Variants in CEP170 observed in about 807,000 individuals in gnomAD.
CEP170 encodes centrosomal protein 170, also known as centrosomal protein of 170 kDa.
Under a neutral mutation model 151.9 loss-of-function variants are expected in CEP170, and 21 were observed. The observed-to-expected ratio is 0.14, with a 90% CI of 0.10 to 0.20. The LOEUF is 0.20. Among genes scored for constraint, CEP170 ranks in the 10% least tolerant of loss-of-function variants. The pLI is 1.00. For missense variants in CEP170, 964 were observed against 1,892.9 expected (o/e 0.51, Z 9.11); for synonymous variants, 356 against 648.8 (o/e 0.55, Z 6.86).
intron 1 of CEP170, among the ~76,000 whole-genome samples, chr1:243,252,615 A>G (rs2066044807): frequency 6.6e-6 from 1 of 152,138 alleles, no homozygotes; most frequent in Non-Finnish European, 1.5e-5. Flanking sequence ...TTTACAGTAT[A>G]AATTTCACTA....
intron 7 of CEP170, 148 bp from the exon 8 acceptor site, chr1:243,191,642 A>G (rs1286832496): frequency 3.2e-6 from 2 of 618,354 alleles, no homozygotes; most frequent in Non-Finnish European, 5.6e-6. Context: ...ATCACAGAAC[A>G]AATGTCACAG....
chr1:243,139,263 G>A (rs1233295132), intron 16 of CEP170, among the ~76,000 whole-genome samples: 5 of 152,014 alleles, frequency 3.3e-5, no homozygotes, highest in South Asian at 2.1e-4. Context: ...CACCACGCCC[G>A]GCTAATTTTC....
intron 10 of CEP170, among the ~76,000 whole-genome samples, chr1:243,177,229 G>A (rs771067446): frequency 6.6e-6 from 1 of 152,084 alleles, no homozygotes; most frequent in Non-Finnish European, 1.5e-5. Flanking sequence ...AGCGCCGTGG[G>A]GTAAGATGTA....
intron 10 of CEP170, among the ~76,000 whole-genome samples, chr1:243,180,525 T>G (rs1237768772): frequency 1.3e-5 from 2 of 152,232 alleles, no homozygotes; most frequent in Non-Finnish European, 2.9e-5. Context: ...CAAAGTCTTC[T>G]CCTATTGTCC....
At chr1:243,249,059 T>C (rs1223955147) in intron 1 of CEP170, among the ~76,000 whole-genome samples, 2 of 152,126 alleles carry the variant, frequency 1.3e-5, no homozygotes, top group Admixed American at 6.6e-5. Flanking sequence ...AGGTGTAGCA[T>C]AGTGGATAAA....
chr1:243,134,296 A>G (rs1015937942), intron 17 of CEP170, among the ~76,000 whole-genome samples: 19 of 152,166 alleles, frequency 1.2e-4, no homozygotes, highest in African/African-American at 4.6e-4. Flanking sequence ...TGTACCTAAT[A>G]CTTATTTGTT....
At chr1:243,182,754 T>G (rs2059705750) in intron 10 of CEP170, among the ~76,000 whole-genome samples, 1 of 152,160 alleles carries the variant, frequency 6.6e-6, no homozygotes. Flanking sequence ...CTAGCATGCC[T>G]GTTATGGGAT....
intron 4 of CEP170, among the ~76,000 whole-genome samples, chr1:243,211,005 C>T (rs1389488827): frequency 1.3e-5 from 2 of 151,280 alleles, no homozygotes; most frequent in Non-Finnish European, 2.9e-5. Context: ...TGAGACTATG[C>T]TTTTTCTGCT....
At chr1:243,241,197 A>G (rs2064803621) in intron 1 of CEP170, among the ~76,000 whole-genome samples, 1 of 152,276 alleles carries the variant, frequency 6.6e-6, no homozygotes, top group African/African-American at 2.4e-5. Context: ...ACTAAGGAAT[A>G]CGAATATTTT....
At chr1:243,230,566 C>T (rs993847740) in intron 1 of CEP170, among the ~76,000 whole-genome samples, 4 of 151,978 alleles carry the variant, frequency 2.6e-5, no homozygotes, top group African/African-American at 4.8e-5. Context: ...AATTATGAAA[C>T]GGAACCAAAC....
chr1:243,160,985 G>A (rs1188099626), intron 13 of CEP170, among the ~76,000 whole-genome samples: 2 of 151,476 alleles, frequency 1.3e-5, no homozygotes, highest in Admixed American at 6.6e-5. Context: ...AATATATCTT[G>A]CCAAAATAAA....
chr1:243,147,392 T>G (rs2056626820), intron 14 of CEP170, among the ~76,000 whole-genome samples: 1 of 152,230 alleles, frequency 6.6e-6, no homozygotes, highest in Non-Finnish European at 1.5e-5. Context: ...AATACAGCCT[T>G]TGGCTTGTTG....
In CEP170 at chr1:243,186,356, T is replaced by C; in HGVS notation, c.1175A>G (p.Lys392Arg). Reference protein sequence around the residue: ...ENAGAHRRCSKRATLEEHLRR... With the variant: ...ENAGAHRRCSRRATLEEHLRR... ...TAAGTGTTCCTCAAGAGTTGCACGT[T>C]TGCTACAGCGCCTGTGAGCCCCAGC... is the stretch of plus-strand genomic sequence containing the variant. The change falls in exon 9 of 20, where the codon AAA (lysine) becomes AGA (arginine). Residue 392 changes from lysine to arginine, a missense_variant. Physicochemically the swap from Lys to Arg is conservative, Grantham distance 26. Coordinates refer to ENST00000366542, the MANE Select transcript of CEP170 (RefSeq NM_014812.3). 1.2e-6 allele frequency: 2 copies of C among 1,613,756 alleles called. No individual in the cohort carries two copies. Among genetic ancestry groups the C allele is most frequent in the South Asian group, 1.1e-5 (1 of 91,066 alleles).
At chr1:243,169,571 A>C (rs1415761554) in intron 12 of CEP170, 57 bp downstream of exon 12, 4 of 1,505,560 alleles carry the variant, frequency 2.7e-6, no homozygotes, top group Middle Eastern at 1.8e-4. Context: ...AGAAAGAGAG[A>C]GAAATGGAGA....
At chr1:243,225,442 G>A (rs1054776552) in intron 1 of CEP170, 121 bp from the exon 2 acceptor site, 2 of 469,280 alleles carry the variant, frequency 4.3e-6, no homozygotes, top group Admixed American at 4.3e-5. Context: ...TTAATTAAAT[G>A]AACTGTCCAC....
At chr1:243,241,067 T>G (rs1273578550) in intron 1 of CEP170, among the ~76,000 whole-genome samples, 1 of 152,254 alleles carries the variant, frequency 6.6e-6, no homozygotes, top group Non-Finnish European at 1.5e-5. Context: ...AAAGTTTTAA[T>G]AATATCTAAA....
intron 10 of CEP170, among the ~76,000 whole-genome samples, chr1:243,181,076 A>T (rs960266721): frequency 1.3e-5 from 2 of 152,224 alleles, no homozygotes; most frequent in African/African-American, 4.8e-5. Flanking sequence ...TTTAATGTTT[A>T]GCTTTCTGTT....
intron 13 of CEP170, among the ~76,000 whole-genome samples, chr1:243,160,464 A>G (rs2057975151): frequency 6.6e-6 from 1 of 152,180 alleles, no homozygotes; most frequent in African/African-American, 2.4e-5. Context: ...TTGTAGTACT[A>G]AACTACTATA....
intron 9 of CEP170, 72 bp from the exon 10 acceptor site, chr1:243,186,144 T>C (rs1182932507): frequency 2.5e-6 from 4 of 1,613,312 alleles, no homozygotes; most frequent in Non-Finnish European, 2.5e-6. Flanking sequence ...GTATGTGGTG[T>C]TGAATATGTA....
Sources: allele counts gnomAD v4.1 joint callset (sites outside exome capture counted in the v4.1 genomes callset), GRCh38; gene constraint gnomAD v4.1.1; transcripts MANE v1.5; gene names NCBI Gene and HGNC (gene_info 2026-07-23, HGNC 2026-07-21).